Variants in TSKU observed in about 807,000 individuals in gnomAD.
TSKU encodes the protein tsukushi, small leucine rich proteoglycan.
In TSKU, 4 loss-of-function variants were observed where a neutral mutation model predicts 11.2. The ratio of observed to expected loss-of-function variants is 0.36; its 90% CI spans 0.18 to 0.82. The LOEUF (loss-of-function observed/expected upper bound fraction) is 0.82. TSKU is among the 40% of genes least tolerant of loss of function. The pLI, the probability that TSKU is intolerant of heterozygous loss-of-function variation, is 0.50. For synonymous variants in TSKU, 220 were observed against 232.2 expected (o/e 0.95, Z 0.48); for missense variants, 407 against 482.5 (o/e 0.84, Z 1.47).
intron 1 of TSKU, among the ~76,000 whole-genome samples, chr11:76,788,322 C>T (rs1944332205): frequency 6.6e-6 from 1 of 152,028 alleles, no homozygotes; most frequent in Non-Finnish European, 1.5e-5. Context: ...GAAAACTTTA[C>T]AGACCAGAGA....
Position 76,796,669 on chromosome 11 carries a change from C to T in TSKU, c.1053C>T (p.Thr351=), listed in dbSNP as rs574574878. The T allele has an allele frequency of 1.4e-6, 2 of 1,449,128 alleles. No individual in the cohort carries two copies. The highest frequency in any genetic ancestry group is 2.9e-5 in the African/African-American group (2 of 69,670). 89.8% of individuals were successfully genotyped at this position (1,449,128 alleles called of 1,614,324 possible). ...GGGATTCTGCTGCCAGGGGCCCCAC[C>T]ATCTTGTGACAAATGGTGTGGCCCA... ...DTRDSAARGP[T]IL The change falls in exon 2 of 2, where the codon ACC becomes ACT. Residue 351 remains threonine (T), a synonymous_variant. Transcript: ENST00000333090. This position sits in a 1 kb window ranked among gnomAD's most constrained non-coding sequence, Gnocchi z 4.1.
At chr11:76,791,514 T>G (rs1006011253) in intron 1 of TSKU, among the ~76,000 whole-genome samples, 3 of 113,660 alleles carry the variant, frequency 2.6e-5, no homozygotes, top group African/African-American at 7.9e-5. Flanking sequence ...GGACTTGGTG[T>G]CCTGTGTCCC....
Position 76,790,461 on chromosome 11 carries a change from C to A in TSKU, c.-8-5148C>A, listed in dbSNP as rs372789617. 4.6e-5 allele frequency among the ~76,000 whole-genome samples: 7 copies of A among 152,344 alleles called. No individual in the cohort carries two copies. The East Asian group carries it at 5.8e-4, about 13-fold the overall frequency. On this transcript the variant is annotated intron_variant, in intron 1 of 1. Coordinates refer to ENST00000333090, the MANE Select transcript of TSKU (RefSeq NM_015516.4). The stretch of plus-strand genomic sequence containing the variant: ...GAACGATCTCTAGCCCTTGCGGCAA[C>A]TCCTTGAGGAAGGGAGTGTTAACTC...
At chr11:76,783,354 G>A (rs1944262956), upstream of TSKU, 1 of 151,496 alleles carries the variant, frequency 6.6e-6, no homozygotes, top group African/African-American at 2.4e-5. Context: ...AGGGCCCGCG[G>A]CCGGGCCGCC....
chr11:76,785,116 C>T lies in TSKU; in HGVS notation c.-9+1712C>T, dbSNP rs372092127. 2.0e-5 allele frequency among the ~76,000 whole-genome samples: 3 copies of T among 152,326 alleles called. No individual in the cohort carries two copies. The East Asian group carries it at 5.8e-4, about 29-fold the overall frequency. On this transcript the variant is annotated intron_variant, in intron 1 of 1. Coordinates refer to ENST00000333090, the MANE Select transcript of TSKU (RefSeq NM_015516.4). ...CTCCCCAGGAAGGCTGCAATGCAAC[C>T]GCCACCGGGCTTCCACCTACCCTTC...
chr11:76,796,730 A>C lies in TSKU; in HGVS notation c.*52A>C. The C allele has an allele frequency of 7.4e-7, 1 of 1,357,432 alleles. No homozygotes were observed. The allele number at this position is 1,357,432 out of a possible 1,614,324, so 84.1% of individuals were successfully genotyped here. On this transcript the variant is annotated 3_prime_UTR_variant, in exon 2 of 2. Coordinates refer to ENST00000333090, the MANE Select transcript of TSKU (RefSeq NM_015516.4). This position sits in a 1 kb window ranked among gnomAD's most constrained non-coding sequence, Gnocchi z 4.1. ...ACAGACTGCTGTCCTGGGCTGCCTC[A>C]GGTCCCGAGTAACTTATGTTCAATG...
chr11:76,796,194 G>A lies in TSKU; in HGVS notation c.578G>A (p.Trp193Ter). Residue 193 changes from tryptophan (W) to a stop codon, truncating the protein, a stop_gained, in exon 2 of 2, where the codon TGG (tryptophan) becomes TAG (stop). Coordinates refer to ENST00000333090, the MANE Select transcript of TSKU (RefSeq NM_015516.4). LOFTEE classifies it high-confidence loss of function. This position sits in a 1 kb window ranked among gnomAD's most constrained non-coding sequence, Gnocchi z 4.1. ...ACCATTCAGAGCCTGAACCTGGCCT[G>A]GAACCGGCTCCATGCCGTGCCCAAC... Reference protein sequence around the residue: ...APTIQSLNLAWNRLHAVPNLR... With the variant: ...APTIQSLNLA 3.7e-6 allele frequency: 6 copies of A among 1,613,678 alleles called. No homozygotes were observed. Among genetic ancestry groups the A allele is most frequent in the Non-Finnish European group, 4.2e-6 (5 of 1,180,016 alleles).
Position 76,796,604 on chromosome 11 carries a change from G to T in TSKU, c.988G>T (p.Gly330Cys). The change falls in exon 2 of 2, where the codon GGC becomes TGC. Residue 330 changes from glycine to cysteine, a missense_variant. Physicochemically the swap from Gly to Cys is radical, Grantham distance 159 (BLOSUM62 -3). Transcript: ENST00000333090. This position sits in a 1 kb window ranked among gnomAD's most constrained non-coding sequence, Gnocchi z 4.1. The stretch of plus-strand genomic sequence containing the variant: ...GGAGGGCACCTACCCCCGGAGGCCT[G>T]GCTCCAGCCCCAAGGTGGCCCTGCA... ...VREGTYPRRP[G>C]SSPKVALHCV... is the part of the protein sequence containing the mutation. The T allele has an allele frequency of 6.6e-7, 1 of 1,506,460 alleles. No individual in the cohort carries two copies. The highest frequency in any genetic ancestry group is 8.9e-7 in the Non-Finnish European group (1 of 1,126,828). The allele number at this position is 1,506,460 out of a possible 1,614,324, so 93.3% of individuals were successfully genotyped here.
intron 1 of TSKU, among the ~76,000 whole-genome samples, chr11:76,787,764 A>G (rs1205826303): frequency 6.6e-6 from 1 of 152,244 alleles, no homozygotes; most frequent in East Asian, 1.9e-4. Flanking sequence ...ATGTAAGTAC[A>G]GTTCAGCATG....
chr11:76,783,706 C>T (rs901483540), intron 1 of TSKU, among the ~76,000 whole-genome samples: 4 of 152,202 alleles, frequency 2.6e-5, no homozygotes, highest in African/African-American at 9.6e-5. Flanking sequence ...CGGTCGGGGA[C>T]GCGCCGCTGT....
At position 76,796,018 on chromosome 11, in the gene TSKU, C is replaced by T. The variant is rs150506858; in HGVS notation, c.402C>T (p.Ser134=). ...AGAGCTTCACCAGCTCACCCCTGAG[C>T]GACGTGAACCTTAGCCACAACCAGC... The part of the protein sequence containing the change: ...PAESFTSSPL[S]DVNLSHNQLR... Residue 134 remains serine (S), a synonymous_variant, in exon 2 of 2, where the codon AGC becomes AGT. Transcript: ENST00000333090. This position sits in a 1 kb window ranked among gnomAD's most constrained non-coding sequence, Gnocchi z 4.1. The T allele has an allele frequency of 1.3e-4, 212 of 1,614,004 alleles. 1 individual carries two copies. In the African/African-American group the frequency reaches 1.9e-3, roughly 15 times the overall value.
intron 1 of TSKU, among the ~76,000 whole-genome samples, chr11:76,786,058 A>T (rs890905801): frequency 2.0e-5 from 3 of 152,272 alleles, no homozygotes; most frequent in Admixed American, 2.0e-4. Context: ...AATAGAAGGC[A>T]GAGACAGCAT....
intron 1 of TSKU, among the ~76,000 whole-genome samples, chr11:76,783,834 C>A (rs1459855858): frequency 6.6e-6 from 1 of 152,188 alleles, no homozygotes; most frequent in Non-Finnish European, 1.5e-5. Context: ...CGTACGTGGT[C>A]GGTGCCTGCC....
chr11:76,783,661 C>T (rs879869321), intron 1 of TSKU, among the ~76,000 whole-genome samples: 3 of 152,208 alleles, frequency 2.0e-5, no homozygotes, highest in Admixed American at 1.3e-4. Context: ...TGTGCGGACA[C>T]GTGCATCTCA....
In TSKU at chr11:76,795,652, T is replaced by C; in HGVS notation, c.36T>C (p.Ser12=). Residue 12 remains serine, a synonymous_variant, in exon 2 of 2, where the codon AGT becomes AGC. Coordinates refer to ENST00000333090, the MANE Select transcript of TSKU (RefSeq NM_015516.4). ...CCCTGCTGCTGCTGCTGGCCGTGAG[T>C]GGGGCCCAGACAACCCGGCCATGCT... is the stretch of plus-strand genomic sequence containing the variant. ...PWPLLLLLAV[S]GAQTTRPCFP... is the part of the protein sequence containing the mutation. 2 of 1,613,334 alleles carry C rather than the reference T, an allele frequency of 1.2e-6. No homozygotes were observed. The highest frequency in any genetic ancestry group is 1.7e-6 in the Non-Finnish European group (2 of 1,179,934).
chr11:76,787,029 C>A (rs1590816601), intron 1 of TSKU, among the ~76,000 whole-genome samples: 1 of 152,240 alleles, frequency 6.6e-6, no homozygotes, highest in East Asian at 1.9e-4. Context: ...CAGTGAATAC[C>A]AACATGTGCC....
At chr11:76,785,033 C>CT (rs1187171200) in intron 1 of TSKU, among the ~76,000 whole-genome samples, 1 of 152,194 alleles carries the variant, frequency 6.6e-6, no homozygotes, top group Admixed American at 6.5e-5. Flanking sequence ...CCCAGAAACA[C>CT]TTTGATGTTT....
Position 76,796,306 on chromosome 11 carries a change from C to A in TSKU, c.690C>A (p.Gly230=). The A allele has an allele frequency of 1.2e-6, 2 of 1,613,326 alleles. No homozygotes were observed. The highest frequency in any genetic ancestry group is 1.3e-5 in the African/African-American group (1 of 75,044). ...IGPGAFAGLG[G]LTHLSLASLQ... ...CGGGTGCCTTCGCGGGGCTGGGAGGCCTTACACACCTGTCTCTGGCCAGCC... is the reference window on the plus strand; with the variant it reads ...CGGGTGCCTTCGCGGGGCTGGGAGGACTTACACACCTGTCTCTGGCCAGCC... The change falls in exon 2 of 2, where the codon GGC becomes GGA. Residue 230 remains glycine (G), a synonymous_variant. Coordinates refer to ENST00000333090, the MANE Select transcript of TSKU (RefSeq NM_015516.4). This position sits in a 1 kb window ranked among gnomAD's most constrained non-coding sequence, Gnocchi z 4.1.
intron 1 of TSKU, among the ~76,000 whole-genome samples, chr11:76,791,157 G>A (rs1463571737): frequency 6.6e-6 from 1 of 152,198 alleles, no homozygotes; most frequent in Admixed American, 6.5e-5. Context: ...TAGGGTATCT[G>A]GCAGAAGAAA....
Sources: allele counts gnomAD v4.1 joint callset (sites outside exome capture counted in the v4.1 genomes callset), GRCh38; gene constraint gnomAD v4.1.1; non-coding constraint Gnocchi (gnomAD v3.1); transcripts MANE v1.5; gene names NCBI Gene and HGNC (gene_info 2026-07-23, HGNC 2026-07-21).